NR5A2: variants seen among roughly 807,000 people sequenced by gnomAD.
NR5A2 encodes nuclear receptor subfamily 5 group A member 2, also known as CYP7A promoter-binding factor.
Under a neutral mutation model 62.7 loss-of-function variants are expected in NR5A2, and 26 were observed. The ratio of observed to expected loss-of-function variants is 0.41; its 90% CI spans 0.30 to 0.58. NR5A2 has a LOEUF of 0.58. Among genes scored for constraint, NR5A2 ranks in the 20% least tolerant of loss-of-function variants. NR5A2 has a pLI of 0.22. For missense variants in NR5A2, 541 were observed against 669.1 expected (o/e 0.81, Z 2.11); for synonymous variants, 246 against 241.7 (o/e 1.02, Z -0.16).
At chr1:200,104,588 A>T (rs952546503) in intron 5 of NR5A2, among the ~76,000 whole-genome samples, 1 of 152,202 alleles carries the variant, frequency 6.6e-6, no homozygotes, top group Non-Finnish European at 1.5e-5. Context: ...TTTGCCAGAA[A>T]GAAAAAAAGA....
chr1:200,092,652 G>T (rs942844774), intron 5 of NR5A2, among the ~76,000 whole-genome samples: 1 of 151,724 alleles, frequency 6.6e-6, no homozygotes, highest in East Asian at 1.9e-4. Context: ...CATTTGGGTG[G>T]CCCTTTTGGT....
chr1:200,126,865 C>T (rs544321179), intron 7 of NR5A2, among the ~76,000 whole-genome samples: 24 of 152,070 alleles, frequency 1.6e-4, no homozygotes, highest in Non-Finnish European at 2.8e-4. Context: ...TGAGTCCCTC[C>T]TCTTTGCAAA....
chr1:200,045,968 T>C lies in NR5A2; in HGVS notation c.463+384T>C, dbSNP rs117321743. On this transcript the variant is annotated intron_variant, in intron 4 of 7. Coordinates refer to ENST00000367362, the MANE Select transcript of NR5A2 (RefSeq NM_205860.3). ...TATTCTTTGAGTTTTTAAATCAAGA[T>C]ACCCTTGGAAAAGTTTGATTTCAAT... Among the ~76,000 whole-genome samples the C allele has an allele frequency of 6.6e-5, 10 of 152,328 alleles. No homozygotes were observed. The East Asian group carries it at 1.9e-3, about 29-fold the overall frequency.
chr1:200,174,062 C>T lies in NR5A2; in HGVS notation c.1478C>T (p.Thr493Ile). 6.2e-7 allele frequency: 1 copy of T among 1,613,060 alleles called. No homozygotes were observed. Among genetic ancestry groups the T allele is most frequent in the Non-Finnish European group, 8.5e-7 (1 of 1,179,846 alleles). The change falls in exon 8 of 8, where the codon ACA becomes ATA. Residue 493 changes from threonine to isoleucine, a missense_variant. Physicochemically the swap from Thr to Ile is moderately conservative, Grantham distance 89. Coordinates refer to ENST00000367362, the MANE Select transcript of NR5A2 (RefSeq NM_205860.3). ...DYTMCNYPQQ[T>I]EKFGQLLLRL... is the part of the protein sequence containing the mutation. ...ACAATGTGTAACTACCCGCAGCAGACAGAGAAATTTGGACAGCTACTTCTT... is the reference window on the plus strand; with the variant it reads ...ACAATGTGTAACTACCCGCAGCAGATAGAGAAATTTGGACAGCTACTTCTT...
chr1:200,107,766 A>C (rs1665757733), intron 5 of NR5A2, among the ~76,000 whole-genome samples: 1 of 151,900 alleles, frequency 6.6e-6, no homozygotes, highest in African/African-American at 2.4e-5. Flanking sequence ...CAGCCTCCCG[A>C]GTAGCTGGGA....
chr1:200,110,836 A>G lies in NR5A2; in HGVS notation c.1111-366A>G, dbSNP rs58669715. On this transcript the variant is annotated intron_variant, in intron 5 of 7. Coordinates refer to ENST00000367362, the MANE Select transcript of NR5A2 (RefSeq NM_205860.3). ...CACTTTTAGATACATAAGCATAGGCAATCTGGGGTCATTCTAATGGAGCCT... is the reference window on the plus strand; with the variant it reads ...CACTTTTAGATACATAAGCATAGGCGATCTGGGGTCATTCTAATGGAGCCT... Among the ~76,000 whole-genome samples, 528 of 152,296 alleles carry G rather than the reference A, an allele frequency of 3.5e-3. 4 individuals carry two copies. Among genetic ancestry groups the G allele is most frequent in the African/African-American group, 0.012 (489 of 41,550 alleles).
chr1:200,118,732 A>G (rs115839132), intron 6 of NR5A2, among the ~76,000 whole-genome samples: 3 of 152,344 alleles, frequency 2.0e-5, no homozygotes, highest in African/African-American at 7.2e-5. Context: ...GCACCTTTTT[A>G]AAGTAAGGAC....
Position 200,064,112 on chromosome 1 carries a change from G to A in NR5A2, c.1110+15294G>A, listed in dbSNP as rs533690040. Among the ~76,000 whole-genome samples the A allele has an allele frequency of 2.9e-3, 433 of 151,048 alleles. 1 individual carries two copies. Among genetic ancestry groups the A allele is most frequent in the African/African-American group, 0.01 (416 of 41,058 alleles). ...TACAGTGAGCCAAGATTGCACCATCGCGCTCCAGCCTGGGCGACAGAGCGA... is the reference window on the plus strand; with the variant it reads ...TACAGTGAGCCAAGATTGCACCATCACGCTCCAGCCTGGGCGACAGAGCGA... On this transcript the variant is annotated intron_variant, in intron 5 of 7. Coordinates refer to ENST00000367362, the MANE Select transcript of NR5A2 (RefSeq NM_205860.3).
chr1:200,110,000 G>A (rs2821325), intron 5 of NR5A2, among the ~76,000 whole-genome samples: 138,450 of 152,186 alleles, frequency 0.91, 63,026 homozygotes, highest in East Asian at 0.97. Flanking sequence ...CCTGACCTCA[G>A]GTCATCTGCC....
Position 200,174,311 on chromosome 1 carries a change from A to C in NR5A2, c.*101A>C, listed in dbSNP as rs1654325184. 1.6e-6 allele frequency: 2 copies of C among 1,247,250 alleles called. No individual in the cohort carries two copies. The highest frequency in any genetic ancestry group is 4.7e-5 in the South Asian group (2 of 42,316). The allele number at this position is 1,247,250 out of a possible 1,614,324, so 77.3% of individuals were successfully genotyped here. A position where few individuals can be genotyped will look rare whatever the true frequency, so the allele number is the denominator to read the frequency against. On this transcript the variant is annotated 3_prime_UTR_variant, in exon 8 of 8. Transcript: ENST00000367362. ...GAAAAAAAGTACTCTGAACTGCTCC[A>C]AGTAACGCTAATTAAAAACTTGCTT...
At chr1:200,151,085 T>C (rs1189030632) in intron 7 of NR5A2, among the ~76,000 whole-genome samples, 1 of 152,092 alleles carries the variant, frequency 6.6e-6, no homozygotes, top group Non-Finnish European at 1.5e-5. Context: ...TCTAGAAAGG[T>C]GGGGCTGGGA....
Position 200,085,679 on chromosome 1 carries a change from AAAAG to A in NR5A2, c.1111-25511_1111-25508del, listed in dbSNP as rs1436354071. Reference sequence around the variant, plus strand: ...ACCTATCTCAAAAAAAAAAAAAAAGAAAAGAAAGAAAGAAATGGTCTCTACCCTT... The same window carrying A: ...ACCTATCTCAAAAAAAAAAAAAAAGAAAAGAAAGAAATGGTCTCTACCCTT... On this transcript the variant is annotated intron_variant, in intron 5 of 7. Coordinates refer to ENST00000367362, the MANE Select transcript of NR5A2 (RefSeq NM_205860.3). Among the ~76,000 whole-genome samples, 33 of 113,260 alleles carry A rather than the reference AAAAG, an allele frequency of 2.9e-4. 1 individual carries two copies. The highest frequency in any genetic ancestry group is 7.3e-4 in the African/African-American group (22 of 30,144). 74.3% of individuals were successfully genotyped at this position (113,260 alleles called of 152,430 possible). A position where few individuals can be genotyped will look rare whatever the true frequency, so the allele number is the denominator to read the frequency against.
chr1:200,054,964 A>G (rs1571723349), intron 5 of NR5A2, among the ~76,000 whole-genome samples: 1 of 144,760 alleles, frequency 6.9e-6, no homozygotes, highest in Non-Finnish European at 1.5e-5. Flanking sequence ...TGGCATGATC[A>G]TAGCTCACTG....
intron 1 of NR5A2, chr1:200,029,144 C>A (rs753688390): frequency 2.4e-5 from 10 of 419,338 alleles, no homozygotes; most frequent in Non-Finnish European, 3.8e-5. Flanking sequence ...TCCTTCCCGG[C>A]AGCTCCGCGC....
chr1:200,147,439 G>A lies in NR5A2; in HGVS notation c.1378+26484G>A, dbSNP rs1558167619. ...TGCAGGCAGCTTATCTGTTTATGGG[G>A]CTGCCTCCTCCAGTACACGGAGAGC... is the stretch of plus-strand genomic sequence containing the variant. On this transcript the variant is annotated intron_variant, in intron 7 of 7. Transcript: ENST00000367362. This position sits in a 1 kb window ranked among gnomAD's most constrained non-coding sequence, Gnocchi z 4.9. The A allele has an allele frequency of 1.2e-5, 6 of 518,116 alleles. No homozygotes were observed. The highest frequency in any genetic ancestry group is 4.6e-5 in the East Asian group (1 of 21,590). 32.1% of individuals were successfully genotyped at this position (518,116 alleles called of 1,614,324 possible).
At chr1:200,097,442 T>C (rs1390608173) in intron 5 of NR5A2, among the ~76,000 whole-genome samples, 1 of 152,212 alleles carries the variant, frequency 6.6e-6, no homozygotes, top group Non-Finnish European at 1.5e-5. Flanking sequence ...ATTTCTCCCA[T>C]TTTATGATGA....
rs2821308 is a variant in NR5A2, at chr1:200,074,718, C to A, written c.1110+25900C>A. Reference sequence around the variant, plus strand: ...CACCACTGCACTCCAGTCTGGGCGACAGGGCGAGAGTCCATCTCAAAAAAA... The same window carrying A: ...CACCACTGCACTCCAGTCTGGGCGAAAGGGCGAGAGTCCATCTCAAAAAAA... On this transcript the variant is annotated intron_variant, in intron 5 of 7. Transcript: ENST00000367362. 5.7e-3 allele frequency among the ~76,000 whole-genome samples: 468 copies of A among 82,684 alleles called. 5 individuals are homozygous for A. Among genetic ancestry groups the A allele is most frequent in the African/African-American group, 0.022 (447 of 20,094 alleles). 54.2% of individuals were successfully genotyped at this position (82,684 alleles called of 152,430 possible).
At chr1:200,150,262 A>G (rs560203959) in intron 7 of NR5A2, among the ~76,000 whole-genome samples, 1 of 152,352 alleles carries the variant, frequency 6.6e-6, no homozygotes, top group South Asian at 2.1e-4. Flanking sequence ...CATTTAGTGG[A>G]GGAAATATGA....
chr1:200,103,815 G>A (rs1479114740), intron 5 of NR5A2, among the ~76,000 whole-genome samples: 6 of 152,176 alleles, frequency 3.9e-5, no homozygotes, highest in Non-Finnish European at 7.3e-5. Context: ...TCGAAGAGAA[G>A]TCTAGGGAAT....
Sources: gnomAD v4.1 joint callset for allele counts (sites outside exome capture counted in the v4.1 genomes callset) on GRCh38, gnomAD v4.1.1 for gene constraint, Gnocchi (gnomAD v3.1) non-coding constraint, MANE v1.5 for transcripts, NCBI Gene and HGNC (gene_info 2026-07-23, HGNC 2026-07-21) for gene names.